The following ENOX1 variants were observed in gnomAD, a reference collection of about 807,000 sequenced individuals.
The protein encoded by ENOX1 is ecto-NOX disulfide-thiol exchanger 1, also known as candidate growth-related and time keeping constitutive hydroquinone (NADH) oxidase.
ENOX1 carries 42 observed loss-of-function variants against 82.5 expected under a neutral mutation model. The ratio of observed to expected loss-of-function variants is 0.51; its 90% confidence interval spans 0.40 to 0.66. The LOEUF (loss-of-function observed/expected upper bound fraction) is 0.66, where lower values mean the gene tolerates loss of function less well. Among genes scored for constraint, ENOX1 ranks in the 30% least tolerant of loss-of-function variants. The pLI is 0.00. For synonymous variants in ENOX1, 271 were observed against 282.2 expected (o/e 0.96, Z 0.40); for missense variants, 608 against 811.6 (o/e 0.75, Z 3.05).
intron 11 of ENOX1, among the ~76,000 whole-genome samples, chr13:43,306,878 C>A (rs1593830259): frequency 6.6e-6 from 1 of 152,136 alleles, no homozygotes. Flanking sequence ...GGTGCTTCTA[C>A]CATATAAAAC....
chr13:43,728,878 G>A (rs113937385), intron 1 of ENOX1, among the ~76,000 whole-genome samples: 7 of 152,212 alleles, frequency 4.6e-5, no homozygotes, highest in African/African-American at 7.2e-5. Flanking sequence ...TCTGAATTAC[G>A]TTAAATGGCA....
intron 2 of ENOX1, among the ~76,000 whole-genome samples, chr13:43,665,804 A>C (rs1042417766): frequency 1.3e-5 from 2 of 151,578 alleles, no homozygotes; most frequent in African/African-American, 4.9e-5. Context: ...GACAAATGCC[A>C]GCGTAATACC....
chr13:43,736,982 G>C (rs1055688886), intron 1 of ENOX1, among the ~76,000 whole-genome samples: 3 of 152,192 alleles, frequency 2.0e-5, no homozygotes, highest in African/African-American at 7.2e-5. Flanking sequence ...GGAAGATACT[G>C]TCTTAACACA....
At chr13:43,344,495 G>T (rs1249040345) in intron 9 of ENOX1, 43 bp downstream of exon 9, 2 of 1,507,196 alleles carry the variant, frequency 1.3e-6, no homozygotes, top group Admixed American at 3.8e-5. Context: ...AAAAGAAAAG[G>T]CAAAATCACA....
chr13:43,750,476 T>C (rs548492345), intron 1 of ENOX1, among the ~76,000 whole-genome samples: 1 of 152,300 alleles, frequency 6.6e-6, no homozygotes, highest in South Asian at 2.1e-4. Context: ...GCCTGGTCTT[T>C]AGTGCTTGTA....
chr13:43,428,394 G>T (rs1019100539), intron 3 of ENOX1, among the ~76,000 whole-genome samples: 4 of 152,130 alleles, frequency 2.6e-5, no homozygotes, highest in Non-Finnish European at 4.4e-5. Flanking sequence ...GATAAAGAAG[G>T]TATAAACATC....
At chr13:43,766,044 T>C (rs1375335760) in intron 1 of ENOX1, among the ~76,000 whole-genome samples, 5 of 152,220 alleles carry the variant, frequency 3.3e-5, no homozygotes, top group African/African-American at 1.2e-4. Context: ...ATTAGTCATT[T>C]TATATGTGCT....
intron 2 of ENOX1, among the ~76,000 whole-genome samples, chr13:43,495,172 T>C (rs2076750231): frequency 6.6e-6 from 1 of 152,194 alleles, no homozygotes; most frequent in Non-Finnish European, 1.5e-5. Context: ...TATCAAAGAC[T>C]ATCTCTAATT....
chr13:43,734,197 T>TTGG (rs1032528862), intron 1 of ENOX1, among the ~76,000 whole-genome samples: 4 of 146,360 alleles, frequency 2.7e-5, no homozygotes, highest in African/African-American at 1.1e-4. Flanking sequence ...AATTTTGTTG[T>TTGG]TGGTTGTTGT....
intron 2 of ENOX1, among the ~76,000 whole-genome samples, chr13:43,599,095 T>C (rs1441308281): frequency 6.6e-6 from 1 of 152,000 alleles, no homozygotes; most frequent in East Asian, 1.9e-4. Context: ...AATCAAAGTA[T>C]TGAACTAGGA....
rs145994336 is a variant in ENOX1, at chr13:43,408,275, G to A, written c.208+3641C>T. On this transcript the variant is annotated intron_variant, in intron 5 of 16. Transcript: ENST00000690772. ...AAATCAGAGGATATAAAAATCTTAC[G>A]CCTTGCTTTACTGATAATTTTAATC... Among the ~76,000 whole-genome samples the A allele has an allele frequency of 1.2e-4, 19 of 152,264 alleles. No individual in the cohort carries two copies. In the East Asian group the frequency reaches 1.5e-3, roughly 12 times the overall value.
chr13:43,356,205 T>C, intron 7 of ENOX1, 53 bp from the exon 8 acceptor site: 1 of 1,551,532 alleles, frequency 6.4e-7, no homozygotes, highest in Non-Finnish European at 8.8e-7. Context: ...GGCCACAGTT[T>C]TGGTCCAGAC....
In ENOX1 at chr13:43,589,464, T is replaced by C. The variant is rs1403291157; in HGVS notation, c.-219+78015A>G. 9.9e-5 allele frequency among the ~76,000 whole-genome samples: 15 copies of C among 152,074 alleles called. No homozygotes were observed. The East Asian group carries it at 2.3e-3, about 24-fold the overall frequency. ...CAACAGAAGACCAGATCTCAGATGG[T>C]GTGAAGTTTATATTACTTGGGGTGT... On this transcript the variant is annotated intron_variant, in intron 2 of 16. Transcript: ENST00000690772.
chr13:43,340,588 C>G (rs979784248), intron 9 of ENOX1, among the ~76,000 whole-genome samples: 1 of 152,324 alleles, frequency 6.6e-6, no homozygotes, highest in South Asian at 2.1e-4. Flanking sequence ...TCTTTCACCC[C>G]AACTCTCCTA....
chr13:43,303,368 T>A (rs1484084665), intron 11 of ENOX1, among the ~76,000 whole-genome samples: 1 of 152,224 alleles, frequency 6.6e-6, no homozygotes, highest in Non-Finnish European at 1.5e-5. Flanking sequence ...GCATTCTGAA[T>A]CTTCTTGTGA....
intron 2 of ENOX1, among the ~76,000 whole-genome samples, chr13:43,616,204 A>ATATATATATATATTTTTT (rs1457149422): frequency 4.6e-4 from 7 of 15,296 alleles, no homozygotes; most frequent in Non-Finnish European, 1.0e-3. Context: ...ATATATATAT[A>ATATATATATATATTTTTT]TTTTTTTTTT....
rs1305839194 is a variant in ENOX1, at chr13:43,572,096, T to C, written c.-218-87944A>G. ...AGGTTGCTATATATAAACAAAAATA[T>C]ATATATACACATACATATACATTAT... On this transcript the variant is annotated intron_variant, in intron 2 of 16. Coordinates refer to ENST00000690772, the MANE Select transcript of ENOX1 (RefSeq NM_001347969.2). Among the ~76,000 whole-genome samples the C allele has an allele frequency of 5.3e-5, 8 of 152,210 alleles. 1 individual carries two copies. In the South Asian group the frequency reaches 1.7e-3, roughly 32 times the overall value.
At chr13:43,517,454 C>T (rs185800374) in intron 2 of ENOX1, among the ~76,000 whole-genome samples, 31 of 152,228 alleles carry the variant, frequency 2.0e-4, no homozygotes, top group African/African-American at 6.7e-4. Flanking sequence ...GCCCAGATCG[C>T]GCCATTGCAC....
At chr13:43,565,965 T>G (rs1172251476) in intron 2 of ENOX1, among the ~76,000 whole-genome samples, 1 of 152,224 alleles carries the variant, frequency 6.6e-6, no homozygotes, top group African/African-American at 2.4e-5. Context: ...GAGATTTTTC[T>G]ATTTGTTTGG....
Sources: gnomAD v4.1 joint callset for allele counts (sites outside exome capture counted in the v4.1 genomes callset) on GRCh38, gnomAD v4.1.1 for gene constraint, MANE v1.5 for transcripts, NCBI Gene and HGNC (gene_info 2026-07-23, HGNC 2026-07-21) for gene names.